Variants in MTHFD1L observed in about 807,000 individuals in gnomAD.
The protein encoded by MTHFD1L is monofunctional C1-tetrahydrofolate synthase, mitochondrial.
A neutral mutation model predicts 119.5 loss-of-function variants in MTHFD1L; 81 were observed. The ratio of observed to expected loss-of-function variants is 0.68; its 90% confidence interval spans 0.57 to 0.82. MTHFD1L has a LOEUF of 0.82. MTHFD1L is among the 40% of genes least tolerant of loss of function. The pLI, the probability that MTHFD1L is intolerant of heterozygous loss-of-function variation, is 0.00. For synonymous variants in MTHFD1L, 430 were observed against 475.2 expected (o/e 0.90, Z 1.24); for missense variants, 1,125 against 1,253.4 (o/e 0.90, Z 1.55).
chr6:150,892,104 C>T (rs544307426), intron 7 of MTHFD1L, among the ~76,000 whole-genome samples: 2 of 152,184 alleles, frequency 1.3e-5, no homozygotes, highest in South Asian at 2.1e-4. Context: ...GCAGCCTATC[C>T]AAGAAAATTC....
At chr6:151,003,302 T>C (rs1780880838) in intron 20 of MTHFD1L, among the ~76,000 whole-genome samples, 1 of 152,048 alleles carries the variant, frequency 6.6e-6, no homozygotes, top group Non-Finnish European at 1.5e-5. Context: ...GAGGCCGAGG[T>C]GGGCGGATCA....
chr6:151,099,834 T>G lies in MTHFD1L; in HGVS notation c.*32-1692T>G, dbSNP rs796720078. 27 of 1,600,754 alleles carry G rather than the reference T, an allele frequency of 1.7e-5. No individual in the cohort carries two copies. In the African/African-American group the frequency reaches 2.9e-4, roughly 17 times the overall value. ...CTTGTGCCGAGATCGCTCACAATGT[T>G]TCCTCCAAGAACCGCAAAGCCATCG... On this transcript the variant is annotated intron_variant, in intron 27 of 27. Coordinates refer to ENST00000367321, the MANE Select transcript of MTHFD1L (RefSeq NM_015440.5).
Position 151,037,088 on chromosome 6 carries a change from G to A in MTHFD1L, c.2818G>A (p.Ala940Thr), listed in dbSNP as rs142116222. Residue 940 changes from alanine to threonine, a missense_variant, in exon 26 of 28, where the codon GCT (alanine) becomes ACT (threonine). This residue lies in a region of MTHFD1L where 61 missense variants were observed against 78.9 expected (regional missense o/e 0.77). Coordinates refer to ENST00000367321, the MANE Select transcript of MTHFD1L (RefSeq NM_015440.5). ...CAGTGACGTCCGGGCCAGCATAGGC[G>A]CTGGGTTCATTTACCCTTTGGTCGG... ...PISDVRASIG[A>T]GFIYPLVGTM... The A allele has an allele frequency of 8.7e-6, 14 of 1,611,964 alleles. No individual in the cohort carries two copies. The highest frequency in any genetic ancestry group is 2.7e-5 in the African/African-American group (2 of 74,958).
chr6:151,041,349 G>C (rs60681682), intron 26 of MTHFD1L, among the ~76,000 whole-genome samples: 1 of 152,290 alleles, frequency 6.6e-6, no homozygotes, highest in Non-Finnish European at 1.5e-5. Flanking sequence ...TTCATCACCC[G>C]TGTGGGAGAC....
chr6:151,067,097 G>A (rs1791386128), intron 26 of MTHFD1L, among the ~76,000 whole-genome samples: 1 of 151,192 alleles, frequency 6.6e-6, no homozygotes, highest in African/African-American at 2.4e-5. Context: ...GGGTTTAAGG[G>A]ATTCTCCTGC....
At chr6:151,081,247 G>A (rs374513330) in intron 26 of MTHFD1L, among the ~76,000 whole-genome samples, 8 of 152,134 alleles carry the variant, frequency 5.3e-5, no homozygotes, top group Non-Finnish European at 1.0e-4. Flanking sequence ...TTGGCCAGCC[G>A]AGTTTCAGGG....
At chr6:151,040,427 C>T (rs1451930503) in intron 26 of MTHFD1L, among the ~76,000 whole-genome samples, 1 of 152,162 alleles carries the variant, frequency 6.6e-6, no homozygotes, top group Non-Finnish European at 1.5e-5. Flanking sequence ...AAATAAAAAC[C>T]AGGGCCCGCA....
rs374320408 is a variant in MTHFD1L, at chr6:150,888,999, A to G, written c.780+1018A>G. Among the ~76,000 whole-genome samples, 101 of 152,214 alleles carry G rather than the reference A, an allele frequency of 6.6e-4. 5 individuals carry two copies. The South Asian group carries it at 0.017, about 26-fold the overall frequency. ...AGACCAGCCTGGCCAATATGGTGAA[A>G]CACCGTCTCTACTAAAAATACAAAA... On this transcript the variant is annotated intron_variant, in intron 7 of 27. Coordinates refer to ENST00000367321, the MANE Select transcript of MTHFD1L (RefSeq NM_015440.5).
At chr6:151,053,272 T>TA (rs959846350) in intron 26 of MTHFD1L, among the ~76,000 whole-genome samples, 2 of 152,192 alleles carry the variant, frequency 1.3e-5, no homozygotes, top group African/African-American at 4.8e-5. Context: ...TGTTTTTTTT[T>TA]ATGGCATGGT....
chr6:150,989,819 G>A (rs1778810786), intron 20 of MTHFD1L, among the ~76,000 whole-genome samples: 1 of 152,120 alleles, frequency 6.6e-6, no homozygotes, highest in Non-Finnish European at 1.5e-5. Flanking sequence ...TCCTTCCTCT[G>A]TCAAACTAAC....
chr6:151,037,350 A>G (rs913196640), intron 26 of MTHFD1L, among the ~76,000 whole-genome samples: 4 of 152,082 alleles, frequency 2.6e-5, no homozygotes, highest in Non-Finnish European at 4.4e-5. Context: ...CATAATACTA[A>G]TTTCCTTCCT....
At chr6:150,881,285 A>G (rs1781359960) in intron 4 of MTHFD1L, among the ~76,000 whole-genome samples, 1 of 152,084 alleles carries the variant, frequency 6.6e-6, no homozygotes, top group African/African-American at 2.4e-5. Context: ...ATGAGGGCCT[A>G]CTTTCATTCT....
rs372245896 is a variant in MTHFD1L at position 150,866,993 on chromosome 6, C to G, written c.227+944C>G. On this transcript the variant is annotated intron_variant, in intron 1 of 27. Transcript: ENST00000367321. ...CGGCCAGCGGACCACCTCCTCCATTCACATCCTCTTCCCTTTCCTTCTAGC... is the reference window on the plus strand; with the variant it reads ...CGGCCAGCGGACCACCTCCTCCATTGACATCCTCTTCCCTTTCCTTCTAGC... Among the ~76,000 whole-genome samples, 3 of 152,264 alleles carry G rather than the reference C, an allele frequency of 2.0e-5. No individual in the cohort carries two copies. In the South Asian group the frequency reaches 6.2e-4, roughly 32 times the overall value.
At chr6:150,880,301 T>A (rs1432821338) in intron 4 of MTHFD1L, among the ~76,000 whole-genome samples, 2 of 152,164 alleles carry the variant, frequency 1.3e-5, no homozygotes, top group Non-Finnish European at 2.9e-5. Flanking sequence ...CATTCTATTC[T>A]CTATTTCTAT....
At chr6:150,876,649 A>G (rs1374249807) in intron 2 of MTHFD1L, among the ~76,000 whole-genome samples, 1 of 152,224 alleles carries the variant, frequency 6.6e-6, no homozygotes, top group East Asian at 1.9e-4. Context: ...TGCATTCCAC[A>G]TACTTCTTTT....
intron 9 of MTHFD1L, 127 bp from the exon 10 acceptor site, chr6:150,922,078 T>A: frequency 1.4e-6 from 1 of 696,128 alleles, no homozygotes; most frequent in South Asian, 1.9e-5. Context: ...CCTAATATCC[T>A]CCTGGCTTAT....
intron 20 of MTHFD1L, among the ~76,000 whole-genome samples, chr6:150,973,740 C>T (rs1030525688): frequency 6.6e-6 from 1 of 152,124 alleles, no homozygotes; most frequent in East Asian, 1.9e-4. Context: ...AAGCCATTAG[C>T]CTCTCTGGGT....
At chr6:151,086,222 A>G (rs1396170302) in intron 26 of MTHFD1L, among the ~76,000 whole-genome samples, 1 of 152,190 alleles carries the variant, frequency 6.6e-6, no homozygotes, top group Non-Finnish European at 1.5e-5. Flanking sequence ...TCAAGCAAAT[A>G]GAAATTGCAA....
chr6:151,045,867 C>T (rs1246257532), intron 26 of MTHFD1L, among the ~76,000 whole-genome samples: 1 of 152,220 alleles, frequency 6.6e-6, no homozygotes, highest in Non-Finnish European at 1.5e-5. Flanking sequence ...CCTTCCTCCA[C>T]AACCCAGGGA....
Sources: allele counts gnomAD v4.1 joint callset (sites outside exome capture counted in the v4.1 genomes callset), GRCh38; gene constraint gnomAD v4.1.1; regional missense constraint gnomAD v4.1.1; transcripts MANE v1.5; gene names NCBI Gene and HGNC (gene_info 2026-07-23, HGNC 2026-07-21).